PTPN21: variants seen among roughly 807,000 people sequenced by gnomAD.
PTPN21 encodes the protein protein tyrosine phosphatase non-receptor type 21.
PTPN21 carries 77 observed loss-of-function variants against 131.8 expected under a neutral mutation model. That is an observed-to-expected ratio of 0.58 (90% confidence interval 0.49 to 0.71). PTPN21 has a LOEUF of 0.71. Ranked by LOEUF, PTPN21 falls within the 30% of genes least tolerant of loss-of-function variation. PTPN21 has a pLI of 0.00. For missense variants in PTPN21, 1,552 were observed against 1,527.1 expected, an observed-to-expected ratio of 1.02 and a Z score of -0.27; for synonymous variants, 715 against 621.3, an observed-to-expected ratio of 1.15 and a Z score of -2.24.
intron 6 of PTPN21, among the ~76,000 whole-genome samples, chr14:88,503,043 A>G (rs2078035347): frequency 6.6e-6 from 1 of 150,718 alleles, no homozygotes; most frequent in African/African-American, 2.5e-5. Context: ...AGAGGTAACT[A>G]AATCTTTTTC....
chr14:88,536,640 T>C (rs944212767), intron 2 of PTPN21, among the ~76,000 whole-genome samples: 1 of 152,182 alleles, frequency 6.6e-6, no homozygotes, highest in Non-Finnish European at 1.5e-5. Context: ...CTCGTCTAAT[T>C]ATTTTAAGAG....
intron 3 of PTPN21, 148 bp from the exon 4 acceptor site, chr14:88,508,168 A>G: frequency 2.1e-6 from 1 of 469,832 alleles, no homozygotes. Context: ...TTTTTTTTTT[A>G]GATAGGGTCT....
At chr14:88,492,498 C>G (rs1235565443) in intron 10 of PTPN21, among the ~76,000 whole-genome samples, 1 of 152,156 alleles carries the variant, frequency 6.6e-6, no homozygotes, top group Admixed American at 6.5e-5. Context: ...ATCACCAGAC[C>G]AGCGATGGGG....
At chr14:88,492,884 G>C (rs2077845490) in intron 10 of PTPN21, 2 of 336,556 alleles carry the variant, frequency 5.9e-6, no homozygotes, top group Non-Finnish European at 1.2e-5. Context: ...TGCCAGACAG[G>C]GGACACGAAG....
intron 5 of PTPN21, 139 bp from the exon 6 acceptor site, chr14:88,504,634 C>A: frequency 1.7e-6 from 1 of 581,162 alleles, no homozygotes; most frequent in Non-Finnish European, 3.0e-6. Flanking sequence ...GCTTTGTTTA[C>A]ATAGGTAATC....
chr14:88,492,977 T>A (rs998970010), intron 10 of PTPN21: 4 of 410,894 alleles, frequency 9.7e-6, no homozygotes, highest in Non-Finnish European at 1.9e-5. Flanking sequence ...TCAGTTGATA[T>A]CTGTCAATAT....
intron 5 of PTPN21, among the ~76,000 whole-genome samples, chr14:88,504,752 C>T (rs2078063054): frequency 1.3e-5 from 2 of 151,886 alleles, no homozygotes; most frequent in Admixed American, 6.6e-5. Context: ...AAGTTGGTGA[C>T]AGTAGTTAGC....
intron 11 of PTPN21, 38 bp downstream of exon 11, chr14:88,485,744 T>G: frequency 6.8e-7 from 1 of 1,468,910 alleles, no homozygotes; most frequent in Non-Finnish European, 9.5e-7. Flanking sequence ...AAAACATCAC[T>G]AAAATAAAAA....
rs115198449 is a variant in PTPN21 at position 88,525,910 on chromosome 14, A to G, written c.181-8649T>C. Among the ~76,000 whole-genome samples the G allele has an allele frequency of 5.4e-3, 829 of 152,366 alleles. 6 individuals are homozygous for G. The highest frequency in any genetic ancestry group is 0.018 in the African/African-American group (747 of 41,588). ...TGGTTCATGCCACAATGTGGATGAC[A>G]TTCAAAAATATTATGCTAAGCAAAA... On this transcript the variant is annotated intron_variant, in intron 2 of 18. Coordinates refer to ENST00000556564, the MANE Select transcript of PTPN21 (RefSeq NM_007039.4).
chr14:88,472,819 A>G (rs10132270), intron 14 of PTPN21, among the ~76,000 whole-genome samples: 15,685 of 152,200 alleles, frequency 0.1, 1,022 homozygotes, highest in African/African-American at 0.18. Context: ...GCAGTGAACC[A>G]TGAGAACCTA....
At chr14:88,550,037 G>A (rs1206464014) in intron 2 of PTPN21, among the ~76,000 whole-genome samples, 1 of 152,046 alleles carries the variant, frequency 6.6e-6, no homozygotes, top group African/African-American at 2.4e-5. Context: ...GCCCGCCTCG[G>A]CCTCCCAAAG....
intron 5 of PTPN21, 30 bp from the exon 6 acceptor site, chr14:88,504,525 G>T: frequency 6.4e-7 from 1 of 1,552,220 alleles, no homozygotes; most frequent in South Asian, 1.1e-5. Flanking sequence ...GTAAGTATGT[G>T]ACAATTCACC....
chr14:88,520,273 C>T (rs2078369020), intron 2 of PTPN21, among the ~76,000 whole-genome samples: 1 of 151,944 alleles, frequency 6.6e-6, no homozygotes, highest in Non-Finnish European at 1.5e-5. Context: ...AAAAATTAGC[C>T]AGATGTGGTA....
intron 6 of PTPN21, among the ~76,000 whole-genome samples, chr14:88,502,587 C>T (rs2078027299): frequency 1.3e-5 from 2 of 152,152 alleles, no homozygotes; most frequent in South Asian, 2.1e-4. Flanking sequence ...TCATAGCATC[C>T]AGCACTCTTC....
At chr14:88,526,575 A>AAAAG (rs57141067) in intron 2 of PTPN21, among the ~76,000 whole-genome samples, 1 of 132,118 alleles carries the variant, frequency 7.6e-6, no homozygotes, top group Non-Finnish European at 1.6e-5. Flanking sequence ...AAAAAAAAAA[A>AAAAG]GGTTAGTTGT....
chr14:88,485,623 G>A (rs72695834), intron 11 of PTPN21, among the ~76,000 whole-genome samples, 159 bp downstream of exon 11: 4,473 of 151,730 alleles, frequency 0.029, 210 homozygotes, highest in East Asian at 0.25. Flanking sequence ...ATATTAGGTT[G>A]GACCTATGGG....
Position 88,479,436 on chromosome 14 carries a change from C to G in PTPN21, c.1995G>C (p.Ala665=). Residue 665 remains alanine, a synonymous_variant, in exon 13 of 19, where the codon GCG becomes GCC. Coordinates refer to ENST00000556564, the MANE Select transcript of PTPN21 (RefSeq NM_007039.4). ...GGGAGCCCACCGAGACGGCTCGCGG[C>G]GCCACCTCTGCCGCCGACGCGGATA... The part of the protein sequence containing the change: ...RTLSASAAEV[A]PRAVSVGSQP... 1.2e-6 allele frequency: 2 copies of G among 1,601,898 alleles called. No homozygotes were observed. Among genetic ancestry groups the G allele is most frequent in the Non-Finnish European group, 1.7e-6 (2 of 1,178,448 alleles).
intron 2 of PTPN21, among the ~76,000 whole-genome samples, chr14:88,539,614 G>C (rs2078677920): frequency 6.6e-6 from 1 of 152,086 alleles, no homozygotes; most frequent in Non-Finnish European, 1.5e-5. Flanking sequence ...TTTCTTTTAG[G>C]AAAATGGCAA....
Position 88,479,492 on chromosome 14 carries a change from GGC to G in PTPN21, c.1937_1938del (p.Gly646AlafsTer52). 1 of 1,601,538 alleles carries G rather than the reference GGC, an allele frequency of 6.2e-7. No individual in the cohort carries two copies. The highest frequency in any genetic ancestry group is 1.1e-5 in the South Asian group (1 of 91,020). ...CGCTCCTTGAGCCGCAGGCCCTCCAGGCCGTGGCTGAGCCCGGCCACCTCGAT... is the reference window on the plus strand; with the variant it reads ...CGCTCCTTGAGCCGCAGGCCCTCCAGCGTGGCTGAGCCCGGCCACCTCGAT... ...NSIEVAGLSH[G>X]LEGLRLKERT... is the part of the protein sequence containing the mutation. On this transcript the variant is annotated frameshift_variant, in exon 13 of 19. Coordinates refer to ENST00000556564, the MANE Select transcript of PTPN21 (RefSeq NM_007039.4). LOFTEE classifies it high-confidence loss of function.
Sources: gnomAD v4.1 joint callset for allele counts (sites outside exome capture counted in the v4.1 genomes callset) on GRCh38, gnomAD v4.1.1 for gene constraint, MANE v1.5 for transcripts, NCBI Gene and HGNC (gene_info 2026-07-23, HGNC 2026-07-21) for gene names.